The following DACH2 variants were observed in gnomAD, a reference collection of about 807,000 sequenced individuals.
The protein encoded by DACH2 is dachshund family transcription factor 2.
A neutral mutation model predicts 35.8 loss-of-function variants in DACH2; 17 were observed. The ratio of observed to expected loss-of-function variants is 0.48; its 90% CI spans 0.33 to 0.71. DACH2 has a LOEUF of 0.71. DACH2 is among the 30% of genes least tolerant of loss of function. The pLI is 0.02. For synonymous variants in DACH2, 195 were observed against 177.3 expected, an observed-to-expected ratio of 1.10 and a Z score of -0.79; for missense variants, 469 against 472.7, an observed-to-expected ratio of 0.99 and a Z score of 0.07.
intron 1 of DACH2, among the ~76,000 whole-genome samples, chrX:86,330,211 G>C (rs1009577938): frequency 1.8e-5 from 2 of 111,358 alleles, no homozygotes; most frequent in Non-Finnish European, 3.8e-5. Context: ...ACCTATTTTA[G>C]ATCATCAAAA....
intron 7 of DACH2, among the ~76,000 whole-genome samples, chrX:86,752,320 T>A (rs749830588): frequency 1.8e-5 from 2 of 111,877 alleles, no homozygotes; most frequent in Non-Finnish European, 3.8e-5. Flanking sequence ...GATATCTCAC[T>A]GTGGTTATTA....
At chrX:86,291,709 T>G (rs1274844517) in intron 1 of DACH2, among the ~76,000 whole-genome samples, 1 of 99,217 alleles carries the variant, frequency 1.0e-5, no homozygotes, top group Non-Finnish European at 2.0e-5. Context: ...TTGGTTCTGT[T>G]TATATGCTGG....
In DACH2 at chrX:86,464,091, C is replaced by A. The variant is rs752929415; in HGVS notation, c.528-50188C>A. ...TTGGTGGGAGTGTAAATTAGTTCAA[C>A]CATTGTAGAAGACAGTGTGGCAGCT... On this transcript the variant is annotated intron_variant, in intron 2 of 11. Coordinates refer to ENST00000373125, the MANE Select transcript of DACH2 (RefSeq NM_053281.3). Among the ~76,000 whole-genome samples the A allele has an allele frequency of 4.5e-5, 5 of 111,259 alleles. No homozygotes were observed. In the South Asian group the frequency reaches 1.2e-3, roughly 26 times the overall value.
intron 3 of DACH2, among the ~76,000 whole-genome samples, chrX:86,627,543 G>A (rs1042490573): frequency 9.0e-5 from 10 of 111,426 alleles, no homozygotes; most frequent in South Asian, 7.5e-4. Context: ...CTTAATTTAG[G>A]TACTGTCTAA....
intron 5 of DACH2, among the ~76,000 whole-genome samples, chrX:86,698,244 T>C (rs187315542): frequency 0.016 from 1,772 of 109,057 alleles, 11 homozygotes; most frequent in Non-Finnish European, 0.026. Flanking sequence ...TAAAAATATG[T>C]ATATTTAAAA....
chrX:86,360,721 A>C (rs1186929566), intron 1 of DACH2, among the ~76,000 whole-genome samples: 1 of 111,036 alleles, frequency 9.0e-6, no homozygotes, highest in Non-Finnish European at 1.9e-5. Context: ...ATAGTAAAAA[A>C]TTTTCGTAAA....
At chrX:86,462,503 T>C (rs748760649) in intron 2 of DACH2, among the ~76,000 whole-genome samples, 3 of 111,893 alleles carry the variant, frequency 2.7e-5, no homozygotes, top group African/African-American at 9.7e-5. Flanking sequence ...GTACATACAT[T>C]GTTCATCTAA....
At chrX:86,776,418 A>T (rs912452850) in intron 7 of DACH2, among the ~76,000 whole-genome samples, 1 of 111,740 alleles carries the variant, frequency 8.9e-6, no homozygotes, top group African/African-American at 3.3e-5. Context: ...CGGCTTCAAC[A>T]TATGAATTTT....
intron 3 of DACH2, among the ~76,000 whole-genome samples, chrX:86,606,410 A>AT (rs56661489): frequency 4.9e-4 from 53 of 108,658 alleles, no homozygotes; most frequent in Non-Finnish European, 8.8e-4. Context: ...GTTTCAAGAA[A>AT]TTTTTTCAAT....
chrX:86,298,046 T>C (rs1478027637), intron 1 of DACH2, among the ~76,000 whole-genome samples: 1 of 112,089 alleles, frequency 8.9e-6, no homozygotes, highest in East Asian at 2.8e-4. Context: ...GACATTTGTA[T>C]AAATGAATTG....
At chrX:86,830,399 T>G (rs1045023686) in intron 11 of DACH2, 18 of 111,642 alleles carry the variant, frequency 1.6e-4, no homozygotes, top group African/African-American at 5.8e-4. Flanking sequence ...AAATCTCAAT[T>G]TATTGTATTC....
intron 3 of DACH2, among the ~76,000 whole-genome samples, chrX:86,575,712 G>A (rs1325476670): frequency 9.0e-6 from 1 of 111,651 alleles, no homozygotes; most frequent in Non-Finnish European, 1.9e-5. Context: ...AAGTACTGAA[G>A]ATCAATCATA....
At position 86,311,739 on chromosome X, in the gene DACH2, C is replaced by T. The variant is rs565546529; in HGVS notation, c.489-65085C>T. On this transcript the variant is annotated intron_variant, in intron 1 of 11. Coordinates refer to ENST00000373125, the MANE Select transcript of DACH2 (RefSeq NM_053281.3). Reference sequence around the variant, plus strand: ...ATTCCATTGAACTGAAAGTTAAGTTCGGCACCTGGACACTTTGGGCTCTTC... The same window carrying T: ...ATTCCATTGAACTGAAAGTTAAGTTTGGCACCTGGACACTTTGGGCTCTTC... Among the ~76,000 whole-genome samples the T allele has an allele frequency of 6.3e-5, 7 of 111,248 alleles. No homozygotes were observed. The South Asian group carries it at 2.3e-3, about 37-fold the overall frequency.
chrX:86,592,129 T>C (rs2039655347), intron 3 of DACH2, among the ~76,000 whole-genome samples: 1 of 111,756 alleles, frequency 8.9e-6, no homozygotes, highest in South Asian at 3.7e-4. Context: ...TTTTCCTATG[T>C]TATTTTCTAG....
chrX:86,231,885 TG>T (rs779717101), intron 1 of DACH2, among the ~76,000 whole-genome samples: 1 of 111,798 alleles, frequency 8.9e-6, no homozygotes, highest in Admixed American at 9.5e-5. Flanking sequence ...ATGGGTTGCC[TG>T]GGGGGTTGGT....
At chrX:86,717,452 A>T (rs1456242057) in intron 6 of DACH2, among the ~76,000 whole-genome samples, 1 of 110,643 alleles carries the variant, frequency 9.0e-6, no homozygotes, top group African/African-American at 3.3e-5. Context: ...ACATATATAG[A>T]TATATAGTAT....
rs745349716 is a variant in DACH2, at chrX:86,335,351, C to T, written c.489-41473C>T. 3.6e-5 allele frequency among the ~76,000 whole-genome samples: 4 copies of T among 111,828 alleles called. No homozygotes were observed. In the South Asian group the frequency reaches 1.5e-3, roughly 41 times the overall value. On this transcript the variant is annotated intron_variant, in intron 1 of 11. Transcript: ENST00000373125. ...CTATAAATTACTTCTAGCAGTATGG[C>T]CATTTTCACAATACTGATTCTTCCT... is the stretch of plus-strand genomic sequence containing the variant.
At chrX:86,395,213 T>A (rs2036265070) in intron 2 of DACH2, among the ~76,000 whole-genome samples, 1 of 111,604 alleles carries the variant, frequency 9.0e-6, no homozygotes, top group Non-Finnish European at 1.9e-5. Context: ...TTTTCTAATG[T>A]ATTACAGTAT....
Position 86,698,514 on chromosome X carries a change from G to GTTTTTTTTTTTTT in DACH2, c.931+3339_931+3340insTTTTTTTTTTTTT, listed in dbSNP as rs1345238527. The stretch of plus-strand genomic sequence containing the variant: ...TTAATTTCTTCTTTTTGTTTTGTTA[G>GTTTTTTTTTTTTT]TTTTGTGTTTTTTTTTTTTTTTTTT... On this transcript the variant is annotated intron_variant, in intron 5 of 11. Coordinates refer to ENST00000373125, the MANE Select transcript of DACH2 (RefSeq NM_053281.3). Among the ~76,000 whole-genome samples the GTTTTTTTTTTTTT allele has an allele frequency of 3.7e-3, 126 of 34,312 alleles. 8 individuals carry two copies. Among genetic ancestry groups the GTTTTTTTTTTTTT allele is most frequent in the Admixed American group, 5.7e-3 (10 of 1,753 alleles). 29.8% of individuals were successfully genotyped at this position (34,312 alleles called of 115,157 possible). A position where few individuals can be genotyped will look rare whatever the true frequency, so the allele number is the denominator to read the frequency against.
Sources: gnomAD v4.1 joint callset for allele counts (sites outside exome capture counted in the v4.1 genomes callset) on GRCh38, gnomAD v4.1.1 for gene constraint, MANE v1.5 for transcripts, NCBI Gene and HGNC (gene_info 2026-07-23, HGNC 2026-07-21) for gene names.